Variants in RORA observed in about 807,000 individuals in gnomAD.
RORA encodes the protein RAR related orphan receptor A, also known as nuclear receptor ROR-alpha.
A neutral mutation model predicts 69.5 loss-of-function variants in RORA; 7 were observed. The ratio of observed to expected loss-of-function variants is 0.10; its 90% confidence interval spans 0.06 to 0.19. The LOEUF (loss-of-function observed/expected upper bound fraction) is 0.19. Ranked by LOEUF, RORA falls within the 10% of genes least tolerant of loss-of-function variation. The pLI, the probability that RORA is intolerant of heterozygous loss-of-function variation, is 1.00. For missense variants in RORA, 457 were observed against 663.0 expected (o/e 0.69, Z 3.41); for synonymous variants, 261 against 240.8 (o/e 1.08, Z -0.78).
In RORA at chr15:60,492,079, A is replaced by G. The variant is rs2065051238; in HGVS notation, c.*5376T>C. On this transcript the variant is annotated 3_prime_UTR_variant, in exon 11 of 11. Coordinates refer to ENST00000335670, the MANE Select transcript of RORA (RefSeq NM_134261.3). ...ATACACATAGAGAGGAGAGATTTCT[A>G]CCATTTTCCATATTCTTTATTATCA... 1 of 152,182 alleles carries G rather than the reference A, an allele frequency of 6.6e-6. No individual in the cohort carries two copies. The highest frequency in any genetic ancestry group is 6.5e-5 in the Admixed American group (1 of 15,274). 9.4% of individuals were successfully genotyped at this position (152,182 alleles called of 1,614,324 possible).
intron 1 of RORA, among the ~76,000 whole-genome samples, chr15:60,938,902 T>A (rs978867196): frequency 2.6e-5 from 4 of 152,234 alleles, no homozygotes; most frequent in African/African-American, 9.6e-5. Context: ...TATCTGTGAA[T>A]TAAATAAAAA....
At chr15:61,222,792 C>A (rs2080110292) in intron 1 of RORA, among the ~76,000 whole-genome samples, 1 of 152,122 alleles carries the variant, frequency 6.6e-6, no homozygotes, top group Admixed American at 6.5e-5. Flanking sequence ...TCCTTTGGGG[C>A]AATCGAAATG....
At chr15:61,139,921 G>A (rs2079282502) in intron 1 of RORA, among the ~76,000 whole-genome samples, 1 of 152,208 alleles carries the variant, frequency 6.6e-6, no homozygotes, top group Non-Finnish European at 1.5e-5. Context: ...GAATTGGATT[G>A]AAAGGAATTG....
At chr15:60,955,787 A>T (rs1893250980) in intron 1 of RORA, among the ~76,000 whole-genome samples, 1 of 152,336 alleles carries the variant, frequency 6.6e-6, no homozygotes, top group East Asian at 1.9e-4. Flanking sequence ...CAATCCTGAC[A>T]GTCCCAACGC....
chr15:60,844,549 A>G (rs1466083598), intron 1 of RORA, among the ~76,000 whole-genome samples: 2 of 152,204 alleles, frequency 1.3e-5, no homozygotes, highest in Admixed American at 1.3e-4. Flanking sequence ...ACTTGTATGC[A>G]TGCACACACA....
intron 1 of RORA, among the ~76,000 whole-genome samples, chr15:60,827,502 GT>G (rs2072981592): frequency 6.6e-6 from 1 of 152,206 alleles, no homozygotes. Context: ...GAAAAAATAT[GT>G]TTTATAACCA....
At chr15:60,653,296 T>G in intron 2 of RORA, among the ~76,000 whole-genome samples, 1 of 114,600 alleles carries the variant, frequency 8.7e-6, no homozygotes, top group East Asian at 3.2e-4. Flanking sequence ...TACAGGTGCA[T>G]GCGTGTGTGT....
intron 1 of RORA, among the ~76,000 whole-genome samples, chr15:60,740,662 A>G (rs954234720): frequency 2.0e-5 from 3 of 152,168 alleles, no homozygotes; most frequent in Non-Finnish European, 4.4e-5. Context: ...CACAAATTAT[A>G]ATAAAAAAAT....
intron 1 of RORA, among the ~76,000 whole-genome samples, chr15:60,967,299 C>T (rs1317516344): frequency 6.6e-6 from 1 of 152,112 alleles, no homozygotes; most frequent in African/African-American, 2.4e-5. Context: ...TATGTTTTCA[C>T]GTATCATGTG....
intron 1 of RORA, among the ~76,000 whole-genome samples, chr15:61,198,969 G>A (rs2079871387): frequency 6.6e-6 from 1 of 152,122 alleles, no homozygotes; most frequent in Non-Finnish European, 1.5e-5. Context: ...CTAGGAGCAG[G>A]AAGGCCCTTC....
intron 2 of RORA, among the ~76,000 whole-genome samples, chr15:60,538,025 A>G (rs965159336): frequency 6.6e-5 from 10 of 152,254 alleles, no homozygotes; most frequent in Middle Eastern, 3.4e-3. Flanking sequence ...TATCATCCCC[A>G]TTTTACAGAT....
At chr15:61,133,461 G>A (rs2079209923) in intron 1 of RORA, among the ~76,000 whole-genome samples, 1 of 152,144 alleles carries the variant, frequency 6.6e-6, no homozygotes, top group Non-Finnish European at 1.5e-5. Context: ...ATGACCCAAA[G>A]TAAAAAGAAT....
intron 1 of RORA, among the ~76,000 whole-genome samples, chr15:61,224,086 G>C (rs1449670535): frequency 6.6e-6 from 1 of 151,532 alleles, no homozygotes; most frequent in Non-Finnish European, 1.5e-5. Flanking sequence ...GAGTAAGGAA[G>C]ATAATCTTCA....
At chr15:61,145,420 G>A (rs2079337535) in intron 1 of RORA, among the ~76,000 whole-genome samples, 1 of 152,340 alleles carries the variant, frequency 6.6e-6, no homozygotes, top group African/African-American at 2.4e-5. Context: ...GAATGTGGGG[G>A]AGTCCAGGCT....
chr15:60,600,546 A>G (rs1217692344), intron 2 of RORA, among the ~76,000 whole-genome samples: 1 of 152,152 alleles, frequency 6.6e-6, no homozygotes, highest in Non-Finnish European at 1.5e-5. Flanking sequence ...CCAGTCCTAC[A>G]CTGTGGAAGT....
At chr15:61,064,395 C>A (rs746094017) in intron 1 of RORA, among the ~76,000 whole-genome samples, 12 of 152,274 alleles carry the variant, frequency 7.9e-5, no homozygotes, top group Middle Eastern at 3.4e-3. Context: ...TTTACATGAC[C>A]CACTCTTACT....
chr15:60,962,466 A>G (rs1350107813), intron 1 of RORA, among the ~76,000 whole-genome samples: 2 of 152,186 alleles, frequency 1.3e-5, no homozygotes, highest in Admixed American at 6.5e-5. Context: ...CATCTTAAAC[A>G]ATATTTACCT....
At chr15:61,173,597 C>T (rs1027444902) in intron 1 of RORA, among the ~76,000 whole-genome samples, 2 of 152,318 alleles carry the variant, frequency 1.3e-5, no homozygotes, top group Non-Finnish European at 2.9e-5. Context: ...TTAAAAATAT[C>T]GTCTGATGCT....
chr15:61,156,856 T>G (rs1465515337), intron 1 of RORA, among the ~76,000 whole-genome samples: 2 of 152,204 alleles, frequency 1.3e-5, no homozygotes, highest in African/African-American at 4.8e-5. Flanking sequence ...TTTTCCAGGT[T>G]GCAAAATATG....
Sources: allele counts gnomAD v4.1 joint callset (sites outside exome capture counted in the v4.1 genomes callset), GRCh38; gene constraint gnomAD v4.1.1; transcripts MANE v1.5; gene names NCBI Gene and HGNC (gene_info 2026-07-23, HGNC 2026-07-21).